CTNNAL1: variants seen among roughly 807,000 people sequenced by gnomAD.
CTNNAL1 encodes the protein alpha-catulin.
CTNNAL1 carries 69 observed loss-of-function variants against 93.6 expected under a neutral mutation model. That is an observed-to-expected ratio of 0.74 (90% CI 0.61 to 0.90). The LOEUF (loss-of-function observed/expected upper bound fraction) is 0.90, where lower values mean the gene tolerates loss of function less well. CTNNAL1 is among the 40% of genes least tolerant of loss of function. The pLI is 0.00. For missense variants in CTNNAL1, 836 were observed against 862.0 expected (o/e 0.97, Z 0.38); for synonymous variants, 286 against 305.4 (o/e 0.94, Z 0.66).
intron 8 of CTNNAL1, among the ~76,000 whole-genome samples, chr9:108,973,577 C>A (rs941390667): frequency 6.6e-6 from 1 of 151,916 alleles, no homozygotes; most frequent in Non-Finnish European, 1.5e-5. Flanking sequence ...TAAAGGGTAA[C>A]ACGAACCCCA....
At chr9:109,007,323 A>G (rs1475454953) in intron 1 of CTNNAL1, among the ~76,000 whole-genome samples, 1 of 152,212 alleles carries the variant, frequency 6.6e-6, no homozygotes, top group Non-Finnish European at 1.5e-5. Context: ...TACTCTCTTC[A>G]TCGACAACAT....
intron 11 of CTNNAL1, 60 bp from the exon 12 acceptor site, chr9:108,955,887 A>C (rs1448683167): frequency 1.9e-5 from 21 of 1,077,642 alleles, no homozygotes; most frequent in Non-Finnish European, 1.3e-6. Context: ...TCTATTATTC[A>C]TAGTTAACTT....
chr9:109,013,153 A>G, intron 1 of CTNNAL1, 149 bp downstream of exon 1: 1 of 1,014,868 alleles, frequency 9.9e-7, no homozygotes. Flanking sequence ...CCCGTCCCGG[A>G]GCCCCACACA....
At chr9:108,972,573 G>A in intron 9 of CTNNAL1, 102 bp downstream of exon 9, 1 of 977,788 alleles carries the variant, frequency 1.0e-6, no homozygotes, top group East Asian at 2.4e-5. Flanking sequence ...GAGAGAAAAT[G>A]CTCAGATAAA....
chr9:108,942,874 G>GA (rs370545789), intron 18 of CTNNAL1, 40 bp from the exon 19 acceptor site: 182 of 1,600,084 alleles, frequency 1.1e-4, no homozygotes, highest in Non-Finnish European at 1.3e-4. Flanking sequence ...GTTTCACTCT[G>GA]AAAAAAAAAT....
At chr9:108,965,005 G>A (rs751307733) in intron 11 of CTNNAL1, among the ~76,000 whole-genome samples, 17 of 152,080 alleles carry the variant, frequency 1.1e-4, no homozygotes, top group South Asian at 2.1e-4. Flanking sequence ...GATTACAGGC[G>A]CACATCAACA....
At position 108,996,067 on chromosome 9, in the gene CTNNAL1, A is replaced by C. The variant is rs184809618; in HGVS notation, c.331+3000T>G. 9.3e-4 allele frequency among the ~76,000 whole-genome samples: 141 copies of C among 151,956 alleles called. 2 individuals are homozygous for C. The highest frequency in any genetic ancestry group is 1.3e-3 in the Admixed American group (20 of 15,276). ...ACCTCAACCTCCTTGGGCTCAAAAA[A>C]TCCTCCCATCTCAGCCTCCCAAGTA... On this transcript the variant is annotated intron_variant, in intron 2 of 18. Coordinates refer to ENST00000325551, the MANE Select transcript of CTNNAL1 (RefSeq NM_003798.4).
intron 2 of CTNNAL1, among the ~76,000 whole-genome samples, chr9:108,995,645 T>C (rs143725602): frequency 4.7e-4 from 71 of 152,314 alleles, no homozygotes; most frequent in African/African-American, 1.6e-3. Flanking sequence ...ACACAAATAT[T>C]TGTTGAACTT....
rs183126438 is a variant in CTNNAL1, at chr9:108,962,067, T to C, written c.1591+3311A>G. Among the ~76,000 whole-genome samples, 668 of 152,306 alleles carry C rather than the reference T, an allele frequency of 4.4e-3. 2 individuals are homozygous for C. The highest frequency in any genetic ancestry group is 7.7e-3 in the Non-Finnish European group (523 of 68,014). ...AGTATGGGTAGTTAATAAAATTTCA[T>C]CTTTGGCATCATTCAAACCTCAGTA... On this transcript the variant is annotated intron_variant, in intron 11 of 18. Transcript: ENST00000325551.
At chr9:109,006,218 C>T (rs1827021783) in intron 1 of CTNNAL1, among the ~76,000 whole-genome samples, 1 of 152,134 alleles carries the variant, frequency 6.6e-6, no homozygotes, top group Non-Finnish European at 1.5e-5. Flanking sequence ...TGAGATTAAA[C>T]TTCACTTTCC....
intron 1 of CTNNAL1, among the ~76,000 whole-genome samples, chr9:109,007,742 G>A (rs576140322): frequency 6.6e-6 from 1 of 152,266 alleles, no homozygotes; most frequent in Admixed American, 6.5e-5. Flanking sequence ...AGAAAGACCT[G>A]TGCAGCCACC....
intron 2 of CTNNAL1, among the ~76,000 whole-genome samples, chr9:108,995,966 T>G (rs987952975): frequency 1.3e-5 from 1 of 74,594 alleles, no homozygotes; most frequent in Non-Finnish European, 3.0e-5. Flanking sequence ...GACTTTAGTG[T>G]TTTTTTTTTT....
At chr9:108,984,920 G>A (rs143073340) in intron 4 of CTNNAL1, among the ~76,000 whole-genome samples, 12 of 152,274 alleles carry the variant, frequency 7.9e-5, no homozygotes, top group East Asian at 7.7e-4. Flanking sequence ...ATTGGGGTTC[G>A]TTTGTCTTAA....
At chr9:108,950,023 C>CAAA (rs145183101) in intron 14 of CTNNAL1, among the ~76,000 whole-genome samples, 2 of 76,092 alleles carry the variant, frequency 2.6e-5, no homozygotes, top group African/African-American at 9.3e-5. Context: ...GGCTACATCT[C>CAAA]AAAAAAAAAA....
chr9:108,984,296 C>T lies in CTNNAL1; in HGVS notation c.729+51G>A, dbSNP rs373463678. ...ATTATGTAAGTTAAATGCATTTAGT[C>T]GGGTGTTCTAATTATTAATTTATTA... On this transcript the variant is annotated intron_variant, in intron 5 of 18. Transcript: ENST00000325551. 36 of 881,070 alleles carry T rather than the reference C, an allele frequency of 4.1e-5. 1 individual carries two copies. The South Asian group carries it at 4.2e-4, about 10-fold the overall frequency. 54.6% of individuals were successfully genotyped at this position (881,070 alleles called of 1,614,324 possible). A position where few individuals can be genotyped will look rare whatever the true frequency, so the allele number is the denominator to read the frequency against.
chr9:108,949,111 A>G (rs1830484716), intron 14 of CTNNAL1, among the ~76,000 whole-genome samples: 1 of 152,244 alleles, frequency 6.6e-6, no homozygotes, highest in African/African-American at 2.4e-5. Context: ...CATATAAATT[A>G]TTAAGACAAC....
In CTNNAL1 at chr9:108,999,218, C is replaced by T. The variant is rs1832136021; in HGVS notation, c.180G>A (p.Lys60=). The change falls in exon 2 of 19, where the codon AAG becomes AAA. Residue 60 remains lysine, a synonymous_variant. Coordinates refer to ENST00000325551, the MANE Select transcript of CTNNAL1 (RefSeq NM_003798.4). ...GAATTGCTTGCAGAGTTTTATCAGACTTTTTGGTATTATCTTTATGATTAA... is the reference window on the plus strand; with the variant it reads ...GAATTGCTTGCAGAGTTTTATCAGATTTTTTGGTATTATCTTTATGATTAA... ...TLINHKDNTK[K]SDKTLQAIQR... is the part of the protein sequence containing the mutation. 2 of 1,609,100 alleles carry T rather than the reference C, an allele frequency of 1.2e-6. No homozygotes were observed. Among genetic ancestry groups the T allele is most frequent in the Non-Finnish European group, 1.7e-6 (2 of 1,178,756 alleles).
chr9:108,991,015 T>C (rs1831779970), intron 3 of CTNNAL1, among the ~76,000 whole-genome samples, 170 bp from the exon 4 acceptor site: 1 of 152,134 alleles, frequency 6.6e-6, no homozygotes, highest in African/African-American at 2.4e-5. Flanking sequence ...AGAAGTAGAT[T>C]CAAGGCACAG....
At chr9:108,958,954 A>G (rs1288491475) in intron 11 of CTNNAL1, among the ~76,000 whole-genome samples, 2 of 146,538 alleles carry the variant, frequency 1.4e-5, no homozygotes, top group East Asian at 4.0e-4. Context: ...TCTAAGCAGA[A>G]AAAAAAAAAA....
Sources: allele counts gnomAD v4.1 joint callset (sites outside exome capture counted in the v4.1 genomes callset), GRCh38; gene constraint gnomAD v4.1.1; transcripts MANE v1.5; gene names NCBI Gene and HGNC (gene_info 2026-07-23, HGNC 2026-07-21).